ACBD6: variants seen among roughly 807,000 people sequenced by gnomAD.
The protein encoded by ACBD6 is acyl-CoA-binding domain-containing protein 6.
In ACBD6, 28 loss-of-function variants were observed where a neutral mutation model predicts 37.2. That is an observed-to-expected ratio of 0.75 (90% confidence interval 0.56 to 1.03). The LOEUF is 1.03. Ranked by LOEUF, ACBD6 falls within the 50% of genes least tolerant of loss-of-function variation. The probability of loss-of-function intolerance (pLI) is 0.00; values close to 1 mark genes in which losing one functional copy is unlikely to be tolerated. For missense variants in ACBD6, 340 were observed against 337.4 expected, an observed-to-expected ratio of 1.01 and a Z score of -0.06; for synonymous variants, 113 against 126.8, an observed-to-expected ratio of 0.89 and a Z score of 0.73.
intron 6 of ACBD6, among the ~76,000 whole-genome samples, chr1:180,384,784 T>C (rs183089115): frequency 1.4e-4 from 22 of 152,194 alleles, no homozygotes; most frequent in African/African-American, 4.8e-4. Context: ...ATAAAGAAAA[T>C]GTGGTATGCA....
chr1:180,497,468 T>A (rs10914011), intron 1 of ACBD6, among the ~76,000 whole-genome samples: 145,467 of 152,324 alleles, frequency 0.95, 69,525 homozygotes, highest in African/African-American at 0.99. Flanking sequence ...CAGTTTTCAA[T>A]TTTTTTAGTC....
downstream of ACBD6, among the ~76,000 whole-genome samples, chr1:180,285,265 G>C (rs1442950714): frequency 6.6e-6 from 1 of 152,128 alleles, no homozygotes; most frequent in Non-Finnish European, 1.5e-5. Context: ...ACTACGATAT[G>C]CCATTGTTTA....
chr1:180,294,297 G>C (rs536973349), intron 7 of ACBD6, among the ~76,000 whole-genome samples: 4 of 152,122 alleles, frequency 2.6e-5, no homozygotes, highest in Non-Finnish European at 5.9e-5. Context: ...GTAGCATTTT[G>C]GGAGGCCAAG....
intron 6 of ACBD6, among the ~76,000 whole-genome samples, chr1:180,360,105 T>C (rs573700154): frequency 8.5e-5 from 13 of 152,364 alleles, no homozygotes; most frequent in African/African-American, 3.1e-4. Flanking sequence ...AGCTTTATTA[T>C]GCAATTGGTT....
At chr1:180,393,567 T>A (rs182040625) in intron 6 of ACBD6, among the ~76,000 whole-genome samples, 21 of 152,198 alleles carry the variant, frequency 1.4e-4, no homozygotes, top group Admixed American at 1.2e-3. Flanking sequence ...AAATATAGAG[T>A]CATGAGGAGA....
chr1:180,437,590 C>T (rs1321741669), intron 3 of ACBD6, among the ~76,000 whole-genome samples: 1 of 152,052 alleles, frequency 6.6e-6, no homozygotes, highest in Non-Finnish European at 1.5e-5. Context: ...TCACAGACAA[C>T]AAGATTTTAT....
chr1:180,488,453 A>G (rs60286873), intron 3 of ACBD6, among the ~76,000 whole-genome samples: 19,457 of 152,208 alleles, frequency 0.13, 1,807 homozygotes, highest in East Asian at 0.36. Flanking sequence ...GTATACATAC[A>G]CTTAAGTTTA....
intron 3 of ACBD6, among the ~76,000 whole-genome samples, chr1:180,452,872 C>A (rs1389574943): frequency 6.6e-6 from 1 of 152,116 alleles, no homozygotes; most frequent in Non-Finnish European, 1.5e-5. Context: ...AGGAAGAAGT[C>A]GAATCCCTGA....
At chr1:180,337,528 C>G (rs966850483) in intron 6 of ACBD6, among the ~76,000 whole-genome samples, 1 of 152,026 alleles carries the variant, frequency 6.6e-6, no homozygotes, top group Non-Finnish European at 1.5e-5. Context: ...CTATCTATGA[C>G]AAACCCACAG....
In ACBD6 at chr1:180,340,998, T is replaced by C. The variant is rs1354990876; in HGVS notation, c.664-26276A>G. On this transcript the variant is annotated intron_variant, in intron 6 of 7. Coordinates refer to ENST00000367595, the MANE Select transcript of ACBD6 (RefSeq NM_032360.4). ...ATGGGATAAGGAAATGTAGTGTCAC[T>C]GCTGAGATTAGTGGTTATAAACATG... 1.3e-5 allele frequency among the ~76,000 whole-genome samples: 2 copies of C among 152,166 alleles called. 1 individual carries two copies. The highest frequency in any genetic ancestry group is 1.3e-4 in the Admixed American group (2 of 15,264).
chr1:180,422,534 C>T (rs1363983222), intron 4 of ACBD6, among the ~76,000 whole-genome samples: 1 of 152,078 alleles, frequency 6.6e-6, no homozygotes, highest in South Asian at 2.1e-4. Flanking sequence ...TACAGAAGTC[C>T]GTAATGCTCA....
chr1:180,306,635 A>T (rs1650388128), intron 7 of ACBD6, among the ~76,000 whole-genome samples: 1 of 152,228 alleles, frequency 6.6e-6, no homozygotes, highest in Non-Finnish European at 1.5e-5. Flanking sequence ...TATTGCATGT[A>T]GATGTAGCTC....
chr1:180,495,888 T>A (rs948575150), intron 1 of ACBD6, among the ~76,000 whole-genome samples: 3 of 152,182 alleles, frequency 2.0e-5, no homozygotes, highest in African/African-American at 4.8e-5. Context: ...TAATATGAAA[T>A]TAATAAGGTT....
At chr1:180,439,935 T>A (rs931889212) in intron 3 of ACBD6, among the ~76,000 whole-genome samples, 3 of 152,150 alleles carry the variant, frequency 2.0e-5, no homozygotes, top group Non-Finnish European at 4.4e-5. Context: ...TTAAAAAAAG[T>A]CTTTAAATTT....
intron 6 of ACBD6, among the ~76,000 whole-genome samples, chr1:180,333,925 A>G (rs551762150): frequency 1.3e-5 from 2 of 152,340 alleles, no homozygotes; most frequent in East Asian, 3.9e-4. Flanking sequence ...TTGCTAGCAC[A>G]GCAGTCTGAG....
chr1:180,391,071 TA>T (rs1445601810), intron 6 of ACBD6, among the ~76,000 whole-genome samples: 1 of 152,128 alleles, frequency 6.6e-6, no homozygotes, highest in Non-Finnish European at 1.5e-5. Flanking sequence ...TACAATGACT[TA>T]ATGGGGGAAA....
intron 3 of ACBD6, among the ~76,000 whole-genome samples, chr1:180,464,490 GA>G (rs1193244679): frequency 1.3e-5 from 2 of 152,032 alleles, no homozygotes; most frequent in Non-Finnish European, 2.9e-5. Context: ...CCAAGGAGGT[GA>G]AAGATCTCTA....
chr1:180,489,726 G>A (rs888906363), intron 3 of ACBD6, among the ~76,000 whole-genome samples: 2 of 148,522 alleles, frequency 1.3e-5, no homozygotes, highest in Non-Finnish European at 3.0e-5. Context: ...GCACAACCTC[G>A]GCTCACTGCA....
At chr1:180,417,259 A>G (rs1648137503) in intron 4 of ACBD6, among the ~76,000 whole-genome samples, 1 of 152,146 alleles carries the variant, frequency 6.6e-6, no homozygotes, top group South Asian at 2.1e-4. Context: ...TGTGGCAAAT[A>G]TTTCATTACC....
Sources: gnomAD v4.1 joint callset for allele counts (sites outside exome capture counted in the v4.1 genomes callset) on GRCh38, gnomAD v4.1.1 for gene constraint, MANE v1.5 for transcripts, NCBI Gene and HGNC (gene_info 2026-07-23, HGNC 2026-07-21) for gene names.